The following IMP4 variants were observed in gnomAD, a reference collection of about 807,000 sequenced individuals.
IMP4 encodes the protein U3 small nucleolar ribonucleoprotein IMP4.
Under a neutral mutation model 42.7 loss-of-function variants are expected in IMP4, and 30 were observed. The ratio of observed to expected loss-of-function variants is 0.70; its 90% CI spans 0.53 to 0.95. The LOEUF (loss-of-function observed/expected upper bound fraction) is 0.95, where lower values mean the gene tolerates loss of function less well. IMP4 is among the 40% of genes least tolerant of loss of function. The pLI is 0.00. For synonymous variants in IMP4, 165 were observed against 165.2 expected, an observed-to-expected ratio of 1.00 and a Z score of 0.01; for missense variants, 382 against 411.4, an observed-to-expected ratio of 0.93 and a Z score of 0.62.
chr2:130,344,988 A>C, intron 3 of IMP4: 1 of 569,616 alleles, frequency 1.8e-6, no homozygotes, highest in African/African-American at 1.9e-5. Context: ...CTCACACATT[A>C]TTGGTGCCCA....
At chr2:130,343,290 G>T (rs1381545806) in intron 2 of IMP4, 96 bp downstream of exon 2, 8 of 901,332 alleles carry the variant, frequency 8.9e-6, no homozygotes, top group Non-Finnish European at 1.4e-5. Context: ...CTTGCCGGCC[G>T]TTTTCCTTGC....
At position 130,345,231 on chromosome 2, in the gene IMP4, G is replaced by A; in HGVS notation, c.197-145G>A. 3.0e-6 allele frequency: 2 copies of A among 659,442 alleles called. No individual in the cohort carries two copies. The highest frequency in any genetic ancestry group is 3.5e-5 in the South Asian group (2 of 56,426). 40.8% of individuals were successfully genotyped at this position (659,442 alleles called of 1,614,324 possible). On this transcript the variant is annotated intron_variant, in intron 3 of 8. Transcript: ENST00000259239. The surrounding 1 kb of genome is among the most constrained non-coding windows in gnomAD (Gnocchi z 4.9). ...TGCTCAGCAGCCAGAGTAGTTGGAG[G>A]CTGCCCTCTTGCCCGGTGTGCATGT...
Position 130,346,445 on chromosome 2 carries a change from A to G in IMP4, c.853A>G (p.Arg285Gly). The G allele has an allele frequency of 6.4e-7, 1 of 1,562,672 alleles. No homozygotes were observed. Among genetic ancestry groups the G allele is most frequent in the Non-Finnish European group, 8.7e-7 (1 of 1,152,708 alleles). Residue 285 changes from arginine to glycine, a missense_variant, in exon 9 of 9, where the codon AGA (arginine) becomes GGA (glycine). By Grantham distance (125) the Arg-to-Gly change is moderately radical. Coordinates refer to ENST00000259239, the MANE Select transcript of IMP4 (RefSeq NM_033416.3). ...CCCTTACACCAATACCGCACGCAAG[A>G]GAGTCTTCCTGAGCACCGAGTGAGC... The part of the protein sequence containing the change: ...WHPYTNTARK[R>G]VFLSTE
Position 130,346,390 on chromosome 2 carries a change from G to A in IMP4, c.798G>A (p.Glu266=). Residue 266 remains glutamate (E), a synonymous_variant, in exon 9 of 9, where the codon GAG becomes GAA. Transcript: ENST00000259239. ...YMIRLGTLEQ[E]ATADVEWRWH... is the part of the protein sequence containing the mutation. The stretch of plus-strand genomic sequence containing the variant: ...TCCGTCTGGGCACGCTGGAGCAGGA[G>A]GCCACAGCAGACGTGGAGTGGCGCT... The A allele has an allele frequency of 6.3e-7, 1 of 1,581,756 alleles. No individual in the cohort carries two copies. Among genetic ancestry groups the A allele is most frequent in the East Asian group, 2.3e-5 (1 of 43,548 alleles).
At position 130,342,936 on chromosome 2, in the gene IMP4, G is replaced by A. The variant is rs1437428234; in HGVS notation, c.3+1G>A. 1.4e-5 allele frequency: 23 copies of A among 1,614,096 alleles called. No homozygotes were observed. The highest frequency in any genetic ancestry group is 1.9e-5 in the Non-Finnish European group (23 of 1,180,020). ...CCACGTGGAAGCGGCACTCAAGATG[G>A]TAGGAGAATGAGCTCCTGTTTCGGA... On this transcript the variant is annotated splice_donor_variant, in intron 1 of 8. Coordinates refer to ENST00000259239, the MANE Select transcript of IMP4 (RefSeq NM_033416.3). LOFTEE classifies it high-confidence loss of function.
intron 7 of IMP4, 35 bp downstream of exon 7, chr2:130,346,147 C>T (rs1006738654): frequency 1.2e-6 from 2 of 1,612,944 alleles, no homozygotes; most frequent in Non-Finnish European, 1.7e-6. Context: ...GAAAGCATCC[C>T]CACCCTGTGT....
At position 130,345,513 on chromosome 2, in the gene IMP4, G is replaced by A; in HGVS notation, c.306+28G>A. The A allele has an allele frequency of 6.2e-7, 1 of 1,614,058 alleles. No individual in the cohort carries two copies. Among genetic ancestry groups the A allele is most frequent in the Non-Finnish European group, 8.5e-7 (1 of 1,179,980 alleles). On this transcript the variant is annotated intron_variant, in intron 4 of 8. Coordinates refer to ENST00000259239, the MANE Select transcript of IMP4 (RefSeq NM_033416.3). The surrounding 1 kb of genome is among the most constrained non-coding windows in gnomAD (Gnocchi z 4.9). ...ACTGGTGAGCAGGGAGTGAGGGAGAGACACCCAGGACACACAGCCCCAGTC... is the reference window on the plus strand; with the variant it reads ...ACTGGTGAGCAGGGAGTGAGGGAGAAACACCCAGGACACACAGCCCCAGTC...
chr2:130,346,159 C>T (rs377432314), intron 7 of IMP4, 42 bp from the exon 8 acceptor site: 1 of 1,612,470 alleles, frequency 6.2e-7, no homozygotes, highest in Non-Finnish European at 8.5e-7. Flanking sequence ...ACCCTGTGTA[C>T]CTCGTGCTGC....
rs11542415 is a variant in IMP4 at position 130,346,062 on chromosome 2, C to T, written c.639C>T (p.Asp213=). 53,863 of 1,614,164 alleles carry T rather than the reference C, an allele frequency of 0.033. 1,161 individuals are homozygous for T. Among genetic ancestry groups the T allele is most frequent in the Middle Eastern group, 0.081 (489 of 6,060 alleles). ...ACCTATTTCCCGTGCCCAAAGATGA[C>T]AGCCACCGGGTCATCACCTTCGCAA... ...LRYLFPVPKD[D]SHRVITFANQ... is the part of the protein sequence containing the mutation. The change falls in exon 7 of 9, where the codon GAC becomes GAT. Residue 213 remains aspartate (D), a synonymous_variant. Coordinates refer to ENST00000259239, the MANE Select transcript of IMP4 (RefSeq NM_033416.3).
chr2:130,343,173 C>A lies in IMP4; in HGVS notation c.91C>A (p.Arg31=). 3 of 1,548,262 alleles carry A rather than the reference C, an allele frequency of 1.9e-6. No individual in the cohort carries two copies. Among genetic ancestry groups the A allele is most frequent in the Non-Finnish European group, 2.6e-6 (3 of 1,144,980 alleles). ...AQRSAQERKE[R]LRRALEENRL... ...GCGCTCAGCCCAGGAGAGGAAGGAG[C>A]GGCTGCGGCGCGCGCTGGAAGGTAA... The change falls in exon 2 of 9, where the codon CGG becomes AGG. Residue 31 remains arginine (R), a synonymous_variant. Transcript: ENST00000259239.
Position 130,345,335 on chromosome 2 carries a change from T to C in IMP4, c.197-41T>C. ...GGCTGCCCCGAAGTTAGCATTTCAT[T>C]CCCAAGACTGTCATGTTCTTGCCCC... On this transcript the variant is annotated intron_variant, in intron 3 of 8. Coordinates refer to ENST00000259239, the MANE Select transcript of IMP4 (RefSeq NM_033416.3). This position sits in a 1 kb window ranked among gnomAD's most constrained non-coding sequence, Gnocchi z 4.9. The C allele has an allele frequency of 6.6e-7, 1 of 1,524,130 alleles. No homozygotes were observed. The highest frequency in any genetic ancestry group is 9.1e-7 in the Non-Finnish European group (1 of 1,103,022). 94.4% of individuals were successfully genotyped at this position (1,524,130 alleles called of 1,614,324 possible). A position where few individuals can be genotyped will look rare whatever the true frequency, so the allele number is the denominator to read the frequency against.
chr2:130,344,329 CAA>C (rs112497313), intron 2 of IMP4, among the ~76,000 whole-genome samples: 1 of 117,010 alleles, frequency 8.5e-6, no homozygotes, highest in Non-Finnish European at 1.8e-5. Context: ...GACTCCGTCT[CAA>C]AAAAAAAAAA....
rs760180984 is a variant in IMP4 at position 130,345,408 on chromosome 2, T to A, written c.229T>A (p.Trp77Arg). The change falls in exon 4 of 9, where the codon TGG becomes AGG. Residue 77 changes from tryptophan to arginine, a missense_variant. By Grantham distance (101) the Trp-to-Arg change is moderately radical. Coordinates refer to ENST00000259239, the MANE Select transcript of IMP4 (RefSeq NM_033416.3). This position sits in a 1 kb window ranked among gnomAD's most constrained non-coding sequence, Gnocchi z 4.9. ...CAGCCACGTGGATGATGAATACCGA[T>A]GGGCAGGAGTCGAGGATCCCAAGGT... ...VTSHVDDEYR[W>R]AGVEDPKVMI... The A allele has an allele frequency of 3.1e-6, 5 of 1,613,916 alleles. No homozygotes were observed. In the Admixed American group the frequency reaches 5.0e-5, roughly 16 times the overall value.
Position 130,343,193 on chromosome 2 carries a change from A to T in IMP4, c.111A>T (p.Glu37Asp), listed in dbSNP as rs1043085989. ...ERKERLRRAL[E>D]ENRLIPTELR... ...AGGAGCGGCTGCGGCGCGCGCTGGA[A>T]GGTAAGGCATCGGCCCCGCGGGCGT... The change falls in exon 2 of 9, where the codon GAA becomes GAT. Residue 37 changes from glutamate (E) to aspartate (D), a missense_variant and splice_region_variant. Transcript: ENST00000259239. 11 of 1,545,628 alleles carry T rather than the reference A, an allele frequency of 7.1e-6. No homozygotes were observed. Among genetic ancestry groups the T allele is most frequent in the Non-Finnish European group, 9.6e-6 (11 of 1,142,670 alleles).
Position 130,345,368 on chromosome 2 carries a change from C to T in IMP4, c.197-8C>T. On this transcript the variant is annotated splice_polypyrimidine_tract_variant and splice_region_variant and intron_variant, in intron 3 of 8. Transcript: ENST00000259239. The surrounding 1 kb of genome is among the most constrained non-coding windows in gnomAD (Gnocchi z 4.9). ...CTGTCATGTTCTTGCCCCTCGTGCT[C>T]CTGACAGGTGTGACCAGCCACGTGG... The T allele has an allele frequency of 6.2e-7, 1 of 1,610,394 alleles. No individual in the cohort carries two copies. The highest frequency in any genetic ancestry group is 1.1e-5 in the South Asian group (1 of 90,832).
Position 130,345,316 on chromosome 2 carries a change from C to T in IMP4, c.197-60C>T. ...GCGACATCCAGGCGGTCTTGGCTGC[C>T]CCGAAGTTAGCATTTCATTCCCAAG... On this transcript the variant is annotated intron_variant, in intron 3 of 8. Transcript: ENST00000259239. The surrounding 1 kb of genome is among the most constrained non-coding windows in gnomAD (Gnocchi z 4.9). 1 of 1,376,924 alleles carries T rather than the reference C, an allele frequency of 7.3e-7. No individual in the cohort carries two copies. The highest frequency in any genetic ancestry group is 2.4e-5 in the East Asian group (1 of 41,424). The allele number at this position is 1,376,924 out of a possible 1,614,324, so 85.3% of individuals were successfully genotyped here. A position where few individuals can be genotyped will look rare whatever the true frequency, so the allele number is the denominator to read the frequency against.
intron 2 of IMP4, among the ~76,000 whole-genome samples, chr2:130,343,862 G>C (rs969529702): frequency 6.6e-6 from 1 of 152,188 alleles, no homozygotes. Context: ...TGCTGGCCCC[G>C]AGTGCGCACC....
At chr2:130,343,373 GC>G (rs1679205403) in intron 2 of IMP4, 179 bp downstream of exon 2, 1 of 718,620 alleles carries the variant, frequency 1.4e-6, no homozygotes, top group Non-Finnish European at 2.6e-6. Context: ...CACTGACGTT[GC>G]AGTACCCGGG....
intron 2 of IMP4, among the ~76,000 whole-genome samples, chr2:130,344,005 C>T (rs566225519): frequency 6.6e-6 from 1 of 152,320 alleles, no homozygotes; most frequent in South Asian, 2.1e-4. Context: ...CACCATCATA[C>T]GTACAGAACA....
Sources: allele counts gnomAD v4.1 joint callset (sites outside exome capture counted in the v4.1 genomes callset), GRCh38; gene constraint gnomAD v4.1.1; non-coding constraint Gnocchi (gnomAD v3.1); transcripts MANE v1.5; gene names NCBI Gene and HGNC (gene_info 2026-07-23, HGNC 2026-07-21).